The following NCOA1 variants were observed in gnomAD, a reference collection of about 807,000 sequenced individuals.
The protein encoded by NCOA1 is nuclear receptor coactivator 1, also known as Hin-2 protein.
NCOA1 carries 35 observed loss-of-function variants against 150.9 expected under a neutral mutation model. The observed-to-expected ratio is 0.23, with a 90% CI of 0.18 to 0.31. NCOA1 has a LOEUF of 0.31. Among genes scored for constraint, NCOA1 ranks in the 10% least tolerant of loss-of-function variants. The pLI, the probability that NCOA1 is intolerant of heterozygous loss-of-function variation, is 1.00. For synonymous variants in NCOA1, 590 were observed against 630.0 expected (o/e 0.94, Z 0.95); for missense variants, 1,491 against 1,749.3 (o/e 0.85, Z 2.63).
chr2:24,599,716 ATGAT>A (rs1209572715), intron 3 of NCOA1, among the ~76,000 whole-genome samples: 1 of 142,478 alleles, frequency 7.0e-6, no homozygotes, highest in African/African-American at 2.5e-5. Context: ...TTTATTATGT[ATGAT>A]TGATCTTTTT....
chr2:24,513,894 C>G (rs917155691), intron 1 of NCOA1, among the ~76,000 whole-genome samples: 2 of 152,108 alleles, frequency 1.3e-5, no homozygotes, highest in African/African-American at 4.8e-5. Flanking sequence ...TTTATTCTAG[C>G]AAATGAACAG....
Position 24,653,208 on chromosome 2 carries a change from A to G in NCOA1, c.-17-5453A>G, listed in dbSNP as rs558128353. ...CCAGAGGTATTTATTACTCAAAATT[A>G]TTCAATCTGTGAGATTGTATTATTC... On this transcript the variant is annotated intron_variant, in intron 4 of 22. Transcript: ENST00000348332. 4.6e-5 allele frequency among the ~76,000 whole-genome samples: 7 copies of G among 152,316 alleles called. No individual in the cohort carries two copies. The South Asian group carries it at 1.4e-3, about 32-fold the overall frequency.
At chr2:24,765,908 T>TTTTTTTTTTTTTG (rs1301763615) in intron 22 of NCOA1, among the ~76,000 whole-genome samples, 4 of 150,828 alleles carry the variant, frequency 2.7e-5, no homozygotes, top group African/African-American at 7.3e-5. Context: ...TTTTTTTTTT[T>TTTTTTTTTTTTTG]TTTTTTTGAG....
At chr2:24,577,319 C>T (rs1305759548) in intron 2 of NCOA1, among the ~76,000 whole-genome samples, 1 of 152,162 alleles carries the variant, frequency 6.6e-6, no homozygotes, top group Non-Finnish European at 1.5e-5. Context: ...TTAATTGTGA[C>T]ATATGCCACA....
At chr2:24,683,280 T>A (rs1672259133) in intron 8 of NCOA1, 152 bp downstream of exon 8, 1 of 460,258 alleles carries the variant, frequency 2.2e-6, no homozygotes, top group Admixed American at 4.6e-5. Context: ...GGTTTCAGTC[T>A]CAGATATAAA....
At chr2:24,715,553 A>C (rs143733775) in intron 14 of NCOA1, among the ~76,000 whole-genome samples, 1 of 152,248 alleles carries the variant, frequency 6.6e-6, no homozygotes, top group Non-Finnish European at 1.5e-5. Flanking sequence ...GCAAAGTCAC[A>C]ATATGTGTAC....
chr2:24,523,146 A>G (rs1664490906), intron 1 of NCOA1, among the ~76,000 whole-genome samples: 1 of 152,220 alleles, frequency 6.6e-6, no homozygotes, highest in African/African-American at 2.4e-5. Flanking sequence ...AAACATCTTC[A>G]TGGACTGTGT....
chr2:24,722,475 A>C (rs1244639577), intron 14 of NCOA1, among the ~76,000 whole-genome samples: 1 of 152,182 alleles, frequency 6.6e-6, no homozygotes, highest in Non-Finnish European at 1.5e-5. Context: ...AAATACGTTG[A>C]TCTAAAAAGA....
In NCOA1 at chr2:24,769,646, T is replaced by C. The variant is rs1051059566; in HGVS notation, c.*1255T>C. The C allele has an allele frequency of 4.8e-6, 1 of 209,914 alleles. No individual in the cohort carries two copies. The highest frequency in any genetic ancestry group is 2.3e-5 in the African/African-American group (1 of 44,164). The allele number at this position is 209,914 out of a possible 1,614,324, so 13.0% of individuals were successfully genotyped here. A position where few individuals can be genotyped will look rare whatever the true frequency, so the allele number is the denominator to read the frequency against. On this transcript the variant is annotated 3_prime_UTR_variant, in exon 23 of 23. Coordinates refer to ENST00000348332, the MANE Select transcript of NCOA1 (RefSeq NM_003743.5). Reference sequence around the variant, plus strand: ...ATTTGAATTTTCATCAGTGCAAATATAAATTTCTCTATCCTGCTCTGAGGC... The same window carrying C: ...ATTTGAATTTTCATCAGTGCAAATACAAATTTCTCTATCCTGCTCTGAGGC...
At chr2:24,516,751 C>T (rs1014470378) in intron 1 of NCOA1, among the ~76,000 whole-genome samples, 1 of 149,660 alleles carries the variant, frequency 6.7e-6, no homozygotes, top group Non-Finnish European at 1.5e-5. Context: ...TCTTATACCT[C>T]TGTTACTCCC....
chr2:24,529,772 TTATC>T (rs1285364801), intron 1 of NCOA1, among the ~76,000 whole-genome samples: 2 of 152,198 alleles, frequency 1.3e-5, no homozygotes, highest in Non-Finnish European at 2.9e-5. Context: ...CTGGCATAAT[TTATC>T]TACCTATTTT....
chr2:24,709,778 A>C (rs1281368196), intron 13 of NCOA1, among the ~76,000 whole-genome samples: 2 of 152,262 alleles, frequency 1.3e-5, no homozygotes, highest in Non-Finnish European at 2.9e-5. Flanking sequence ...GAAGCAACCC[A>C]AAAATCCATC....
At chr2:24,739,002 C>G (rs1663468590) in intron 17 of NCOA1, among the ~76,000 whole-genome samples, 1 of 152,164 alleles carries the variant, frequency 6.6e-6, no homozygotes, top group Admixed American at 6.6e-5. Flanking sequence ...TCAACTTTCC[C>G]TTCATCTTCC....
chr2:24,503,609 A>G (rs1663557921), intron 1 of NCOA1, among the ~76,000 whole-genome samples: 1 of 152,226 alleles, frequency 6.6e-6, no homozygotes, highest in South Asian at 2.1e-4. Context: ...TTTAAAAATA[A>G]TATACAATAC....
At chr2:24,614,231 T>TTTTTTG (rs1668771754) in intron 3 of NCOA1, among the ~76,000 whole-genome samples, 1 of 122,786 alleles carries the variant, frequency 8.1e-6, no homozygotes, top group African/African-American at 3.1e-5. Context: ...TTTTTTTTTT[T>TTTTTTG]GCTATGGGGT....
chr2:24,742,888 A>G (rs1304072514), intron 19 of NCOA1, among the ~76,000 whole-genome samples: 3 of 152,320 alleles, frequency 2.0e-5, no homozygotes, highest in South Asian at 2.1e-4. Flanking sequence ...TCCACAGAGT[A>G]TCTCAGACTA....
rs1203784489 is a variant in NCOA1, at chr2:24,706,792, T to C, written c.1322T>C (p.Phe441Ser). 1 of 1,614,078 alleles carries C rather than the reference T, an allele frequency of 6.2e-7. No individual in the cohort carries two copies. Among genetic ancestry groups the C allele is most frequent in the Non-Finnish European group, 8.5e-7 (1 of 1,180,042 alleles). The change falls in exon 13 of 23, where the codon TTC (phenylalanine) becomes TCC (serine). Residue 441 changes from phenylalanine (F) to serine (S), a missense_variant. By Grantham distance (155) the Phe-to-Ser change is radical. Transcript: ENST00000348332. ...AATTCTAGCAACAGCCAAGGAAGTTTCGGATGCTCACCCGGAAGTCAGATT... is the reference window on the plus strand; with the variant it reads ...AATTCTAGCAACAGCCAAGGAAGTTCCGGATGCTCACCCGGAAGTCAGATT... ...HSNSSNSQGS[F>S]GCSPGSQIVA...
At chr2:24,589,724 G>A (rs1667574117) in intron 3 of NCOA1, among the ~76,000 whole-genome samples, 1 of 151,876 alleles carries the variant, frequency 6.6e-6, no homozygotes, top group Non-Finnish European at 1.5e-5. Flanking sequence ...TTCCTGGAAG[G>A]CAGTCATTTT....
At chr2:24,608,367 G>A (rs912765141) in intron 3 of NCOA1, among the ~76,000 whole-genome samples, 1 of 150,290 alleles carries the variant, frequency 6.7e-6, no homozygotes, top group African/African-American at 2.4e-5. Flanking sequence ...TGCAATCTCC[G>A]CCTCCTGGGT....
Sources: allele counts gnomAD v4.1 joint callset (sites outside exome capture counted in the v4.1 genomes callset), GRCh38; gene constraint gnomAD v4.1.1; transcripts MANE v1.5; gene names NCBI Gene and HGNC (gene_info 2026-07-23, HGNC 2026-07-21).